Variants in CYTH1 observed in about 807,000 individuals in gnomAD.
CYTH1 encodes the protein cytohesin-1.
CYTH1 carries 18 observed loss-of-function variants against 61.8 expected under a neutral mutation model. That is an observed-to-expected ratio of 0.29 (90% CI 0.20 to 0.43). The LOEUF (loss-of-function observed/expected upper bound fraction) is 0.43. Ranked by LOEUF, CYTH1 falls within the 20% of genes least tolerant of loss-of-function variation. CYTH1 has a pLI of 1.00. For missense variants in CYTH1, 336 were observed against 510.5 expected (o/e 0.66, Z 3.29); for synonymous variants, 174 against 184.3 (o/e 0.94, Z 0.45).
At chr17:78,727,769 C>T (rs2093274220) in intron 1 of CYTH1, 1 of 469,818 alleles carries the variant, frequency 2.1e-6, no homozygotes, top group South Asian at 1.6e-5. Context: ...TCTGTCTTGG[C>T]TGCTCTCATG....
chr17:78,685,727 T>C (rs2092809747), intron 11 of CYTH1, among the ~76,000 whole-genome samples: 1 of 152,218 alleles, frequency 6.6e-6, no homozygotes, highest in Non-Finnish European at 1.5e-5. Flanking sequence ...CAAGCAATTT[T>C]TTTTTCAAGA....
intron 1 of CYTH1, among the ~76,000 whole-genome samples, chr17:78,760,378 TATATATACACACAC>T (rs2093417686): frequency 1.6e-5 from 1 of 61,386 alleles, no homozygotes. Flanking sequence ...TATATATATA[TATATATACACACAC>T]ATACATATAT....
At chr17:78,767,361 A>G (rs1377350098) in intron 1 of CYTH1, among the ~76,000 whole-genome samples, 1 of 152,186 alleles carries the variant, frequency 6.6e-6, no homozygotes, top group Admixed American at 6.6e-5. Flanking sequence ...GTGAAAGCTG[A>G]AAGTCCCCAG....
chr17:78,735,000 C>T (rs1237829738), intron 1 of CYTH1, among the ~76,000 whole-genome samples: 1 of 152,164 alleles, frequency 6.6e-6, no homozygotes, highest in African/African-American at 2.4e-5. Context: ...GCCACTCTGT[C>T]TCTCACGGCA....
At chr17:78,688,462 G>A (rs1359302416) in intron 11 of CYTH1, among the ~76,000 whole-genome samples, 1 of 152,210 alleles carries the variant, frequency 6.6e-6, no homozygotes, top group East Asian at 1.9e-4. Context: ...ATCTGCTGCT[G>A]TTTCATCAAT....
intron 10 of CYTH1, among the ~76,000 whole-genome samples, chr17:78,695,437 T>A (rs139054512): frequency 6.6e-6 from 1 of 152,314 alleles, no homozygotes; most frequent in South Asian, 2.1e-4. Context: ...ATTTCCCCTT[T>A]TCGTGCAAAG....
rs1465134864 is a variant in CYTH1 at position 78,718,226 on chromosome 17, C to T, written c.23-8494G>A. 9.8e-4 allele frequency among the ~76,000 whole-genome samples: 122 copies of T among 125,098 alleles called. 1 individual carries two copies. The East Asian group carries it at 0.016, about 16-fold the overall frequency. 82.1% of individuals were successfully genotyped at this position (125,098 alleles called of 152,430 possible). A position where few individuals can be genotyped will look rare whatever the true frequency, so the allele number is the denominator to read the frequency against. ...GTTTCATAAACACTGAATACACACA[C>T]ACACACACACACACACACACACACA... On this transcript the variant is annotated intron_variant, in intron 1 of 13. Transcript: ENST00000446868.
chr17:78,781,975 GCGC>G (rs2093520378), intron 1 of CYTH1, among the ~76,000 whole-genome samples: 4 of 148,810 alleles, frequency 2.7e-5, no homozygotes, highest in Admixed American at 2.7e-4. Context: ...ACATCCCTCA[GCGC>G]CGCCAGCGAC....
chr17:78,674,860 G>T lies in CYTH1; in HGVS notation c.*1231C>A. 1 of 152,714 alleles carries T rather than the reference G, an allele frequency of 6.5e-6. No individual in the cohort carries two copies. The highest frequency in any genetic ancestry group is 1.5e-5 in the Non-Finnish European group (1 of 68,352). 9.5% of individuals were successfully genotyped at this position (152,714 alleles called of 1,614,324 possible). A position where few individuals can be genotyped will look rare whatever the true frequency, so the allele number is the denominator to read the frequency against. The stretch of plus-strand genomic sequence containing the variant: ...GGCTCCCTTCATACTGTAATGAGGA[G>T]GGGCAGGGCCAGCTCACACAGCGCC... On this transcript the variant is annotated 3_prime_UTR_variant, in exon 14 of 14. Coordinates refer to ENST00000446868, the MANE Select transcript of CYTH1 (RefSeq NM_004762.6).
chr17:78,782,134 G>T (rs2093521420), intron 1 of CYTH1, 68 bp downstream of exon 1: 1 of 1,227,550 alleles, frequency 8.1e-7, no homozygotes. Context: ...AAGCGCTGCC[G>T]GACGGCCGGG....
At chr17:78,771,594 G>A (rs2093471447) in intron 1 of CYTH1, among the ~76,000 whole-genome samples, 1 of 152,100 alleles carries the variant, frequency 6.6e-6, no homozygotes, top group Non-Finnish European at 1.5e-5. Flanking sequence ...AGCTGGGCAT[G>A]GTGGCATGCA....
intron 1 of CYTH1, among the ~76,000 whole-genome samples, chr17:78,711,482 T>A (rs1050517297): frequency 2.0e-5 from 3 of 152,056 alleles, no homozygotes; most frequent in Non-Finnish European, 2.9e-5. Flanking sequence ...TGGCTCATAT[T>A]ATATTTCTAG....
At chr17:78,763,316 A>G (rs2093436140) in intron 1 of CYTH1, among the ~76,000 whole-genome samples, 1 of 152,016 alleles carries the variant, frequency 6.6e-6, no homozygotes, top group Non-Finnish European at 1.5e-5. Context: ...AAAAAAAAAA[A>G]GACTTTTAAT....
intron 1 of CYTH1, among the ~76,000 whole-genome samples, chr17:78,748,207 TTC>T (rs1275714103): frequency 2.0e-5 from 3 of 152,168 alleles, no homozygotes; most frequent in Non-Finnish European, 4.4e-5. Context: ...CCTCTAAACA[TTC>T]TCTGATTCTG....
At chr17:78,702,449 G>T in intron 4 of CYTH1, 89 bp downstream of exon 4, 3 of 1,401,110 alleles carry the variant, frequency 2.1e-6, no homozygotes, top group Non-Finnish European at 2.0e-6. Flanking sequence ...GAACTGTAAC[G>T]CTTGGAAAAA....
chr17:78,700,523 T>G lies in CYTH1; in HGVS notation c.438-80A>C. ...ATGAATTGTTAAACTGCCAATGATT[T>G]TTTTTTTCTTTTTTTTTTTGAGATG... is the stretch of plus-strand genomic sequence containing the variant. On this transcript the variant is annotated intron_variant, in intron 6 of 13. Transcript: ENST00000446868. The surrounding 1 kb of genome is among the most constrained non-coding windows in gnomAD (Gnocchi z 5.1). 8.8e-7 allele frequency: 1 copy of G among 1,138,362 alleles called. No individual in the cohort carries two copies. The highest frequency in any genetic ancestry group is 1.2e-6 in the Non-Finnish European group (1 of 810,222). The allele number at this position is 1,138,362 out of a possible 1,614,324, so 70.5% of individuals were successfully genotyped here.
At position 78,677,152 on chromosome 17, in the gene CYTH1, A is replaced by G. The variant is rs73387861; in HGVS notation, c.1119-983T>C. 4.5e-3 allele frequency: 2,020 copies of G among 446,662 alleles called. 34 individuals carry two copies. Among genetic ancestry groups the G allele is most frequent in the African/African-American group, 0.038 (1,879 of 49,902 alleles). 27.7% of individuals were successfully genotyped at this position (446,662 alleles called of 1,614,324 possible). On this transcript the variant is annotated intron_variant, in intron 13 of 13. Coordinates refer to ENST00000446868, the MANE Select transcript of CYTH1 (RefSeq NM_004762.6). Reference sequence around the variant, plus strand: ...TAGAAACATGTCCCGATGGGATCTCACTGGGAAGCGGTCTGACCACCTGAA... The same window carrying G: ...TAGAAACATGTCCCGATGGGATCTCGCTGGGAAGCGGTCTGACCACCTGAA...
At chr17:78,721,273 T>C (rs2144535050) in intron 1 of CYTH1, among the ~76,000 whole-genome samples, 1 of 152,182 alleles carries the variant, frequency 6.6e-6, no homozygotes, top group Non-Finnish European at 1.5e-5. Flanking sequence ...GAGGTTGCAG[T>C]GAGCCGAGAT....
intron 1 of CYTH1, among the ~76,000 whole-genome samples, chr17:78,757,297 G>A (rs1244908410): frequency 6.6e-6 from 1 of 151,816 alleles, no homozygotes; most frequent in Non-Finnish European, 1.5e-5. Flanking sequence ...TCCTTTGGGG[G>A]GATGACCGTG....
Sources: gnomAD v4.1 joint callset for allele counts (sites outside exome capture counted in the v4.1 genomes callset) on GRCh38, gnomAD v4.1.1 for gene constraint, Gnocchi (gnomAD v3.1) non-coding constraint, MANE v1.5 for transcripts, NCBI Gene and HGNC (gene_info 2026-07-23, HGNC 2026-07-21) for gene names.